Variants in STXBP4 observed in about 807,000 individuals in gnomAD.
The protein encoded by STXBP4 is syntaxin binding protein 4.
In STXBP4, 55 loss-of-function variants were observed where a neutral mutation model predicts 76.1. That is an observed-to-expected ratio of 0.72 (90% CI 0.58 to 0.91). The LOEUF (loss-of-function observed/expected upper bound fraction) is 0.91. STXBP4 is among the 40% of genes least tolerant of loss of function. The probability of loss-of-function intolerance (pLI) is 0.00; values close to 1 mark genes in which losing one functional copy is unlikely to be tolerated. For missense variants in STXBP4, 618 were observed against 636.9 expected, an observed-to-expected ratio of 0.97 and a Z score of 0.32; for synonymous variants, 201 against 220.2, an observed-to-expected ratio of 0.91 and a Z score of 0.77.
downstream of STXBP4, among the ~76,000 whole-genome samples, chr17:55,175,021 C>CAA (rs113547228): frequency 3.3e-4 from 49 of 146,410 alleles, no homozygotes; most frequent in African/African-American, 1.1e-3. Context: ...GACTCCATCT[C>CAA]AAAAAAAAAA....
chr17:55,078,832 C>A, intron 15 of STXBP4, 97 bp downstream of exon 15: 1 of 723,472 alleles, frequency 1.4e-6, no homozygotes, highest in Non-Finnish European at 2.5e-6. Flanking sequence ...TTAAATAGTC[C>A]TAAGGTGCTA....
chr17:55,096,199 A>G (rs2079484456), intron 16 of STXBP4, among the ~76,000 whole-genome samples: 1 of 152,136 alleles, frequency 6.6e-6, no homozygotes, highest in African/African-American at 2.4e-5. Context: ...GCTGTTGCCC[A>G]TGCTGGAGTG....
At chr17:55,051,410 G>T (rs923149576) in intron 12 of STXBP4, among the ~76,000 whole-genome samples, 2 of 152,098 alleles carry the variant, frequency 1.3e-5, no homozygotes, top group African/African-American at 4.8e-5. Flanking sequence ...ATTGAGTTGG[G>T]AAGGAATTTC....
intron 12 of STXBP4, among the ~76,000 whole-genome samples, chr17:55,055,570 C>A (rs1169984009): frequency 1.3e-5 from 2 of 152,168 alleles, no homozygotes; most frequent in Non-Finnish European, 2.9e-5. Context: ...TAAAACTGCA[C>A]TTAGAACTCT....
chr17:55,075,247 A>G (rs1020798921), intron 13 of STXBP4, among the ~76,000 whole-genome samples: 8 of 152,040 alleles, frequency 5.3e-5, no homozygotes, highest in Non-Finnish European at 1.0e-4. Flanking sequence ...TATGTTGTTT[A>G]GTTTTACCTG....
intron 17 of STXBP4, among the ~76,000 whole-genome samples, chr17:55,149,914 C>T (rs868597895): frequency 1.2e-4 from 18 of 152,200 alleles, no homozygotes; most frequent in African/African-American, 4.3e-4. Context: ...AAATATTCAG[C>T]ATCAAAGCCC....
intron 16 of STXBP4, among the ~76,000 whole-genome samples, chr17:55,115,918 G>A (rs1236800664): frequency 6.6e-6 from 1 of 151,766 alleles, no homozygotes; most frequent in Admixed American, 6.6e-5. Context: ...TATGTTCTAG[G>A]TTTAACCATG....
In STXBP4 at chr17:55,164,261, A is replaced by G. The variant is rs1003399093; in HGVS notation, c.*4350A>G. On this transcript the variant is annotated 3_prime_UTR_variant, in exon 18 of 18. Transcript: ENST00000376352. ...CTGCAATTCTGTATTTGCTTTCTTG[A>G]TATGACTTTTAACATTTAAACTTAT... 7.2e-5 allele frequency: 11 copies of G among 152,166 alleles called. No individual in the cohort carries two copies. The highest frequency in any genetic ancestry group is 1.5e-5 in the Non-Finnish European group (1 of 68,034). The allele number at this position is 152,166 out of a possible 1,614,324, so 9.4% of individuals were successfully genotyped here.
At chr17:55,102,239 C>T (rs1345914746) in intron 16 of STXBP4, among the ~76,000 whole-genome samples, 1 of 151,890 alleles carries the variant, frequency 6.6e-6, no homozygotes, top group Non-Finnish European at 1.5e-5. Flanking sequence ...AACCCGTTAT[C>T]TACATTAGGT....
intron 5 of STXBP4, 67 bp from the exon 6 acceptor site, chr17:54,999,565 A>T (rs2077873041): frequency 2.0e-6 from 3 of 1,479,864 alleles, no homozygotes; most frequent in Non-Finnish European, 1.8e-6. Context: ...CATCTGAAAC[A>T]TTATCTTGGA....
intron 15 of STXBP4, among the ~76,000 whole-genome samples, chr17:55,079,838 T>C (rs1299454127): frequency 6.6e-6 from 1 of 152,120 alleles, no homozygotes; most frequent in Non-Finnish European, 1.5e-5. Flanking sequence ...GTGAAGATAT[T>C]TTTGGTGTCC....
chr17:55,211,002 A>T, the STXBP4 span, among the ~76,000 whole-genome samples: 1 of 152,190 alleles, frequency 6.6e-6, no homozygotes, highest in Non-Finnish European at 1.5e-5. Flanking sequence ...TATAAACTTG[A>T]GACCAGCTAT....
At chr17:55,049,287 A>G (rs1455564248) in intron 12 of STXBP4, among the ~76,000 whole-genome samples, 4 of 151,932 alleles carry the variant, frequency 2.6e-5, no homozygotes, top group Non-Finnish European at 4.4e-5. Context: ...TGCCTAAAAT[A>G]ACTTTGGAAA....
the STXBP4 span, among the ~76,000 whole-genome samples, chr17:55,192,934 G>A: frequency 1.3e-5 from 2 of 152,166 alleles, no homozygotes; most frequent in Admixed American, 1.3e-4. Context: ...CCAATAGTTA[G>A]TAGAGCCAGA....
intron 17 of STXBP4, among the ~76,000 whole-genome samples, chr17:55,150,192 G>A (rs9903820): frequency 0.063 from 9,604 of 152,156 alleles, 930 homozygotes; most frequent in African/African-American, 0.21. Flanking sequence ...TAGGGCTGCC[G>A]TAACAAACCA....
intron 6 of STXBP4, among the ~76,000 whole-genome samples, chr17:55,000,419 TGTTA>T (rs936589455): frequency 6.6e-6 from 1 of 152,206 alleles, no homozygotes; most frequent in Non-Finnish European, 1.5e-5. Flanking sequence ...TTTATATCTG[TGTTA>T]GCTGTAAAAT....
intron 3 of STXBP4, among the ~76,000 whole-genome samples, chr17:54,986,678 T>C (rs1012728953): frequency 3.3e-5 from 5 of 152,196 alleles, no homozygotes; most frequent in African/African-American, 9.6e-5. Flanking sequence ...TTAAAAACTC[T>C]TTTGTGAGAT....
intron 8 of STXBP4, among the ~76,000 whole-genome samples, chr17:55,016,165 G>T (rs1436806778): frequency 6.6e-6 from 1 of 152,078 alleles, no homozygotes; most frequent in Non-Finnish European, 1.5e-5. Context: ...GTCCTTTATG[G>T]TCCTAATGCT....
intron 8 of STXBP4, among the ~76,000 whole-genome samples, chr17:55,030,061 A>C (rs752689879): frequency 6.6e-6 from 1 of 152,216 alleles, no homozygotes; most frequent in Admixed American, 6.5e-5. Flanking sequence ...ACATCCAATT[A>C]GTCCCTTTGT....
Sources: gnomAD v4.1 joint callset for allele counts (sites outside exome capture counted in the v4.1 genomes callset) on GRCh38, gnomAD v4.1.1 for gene constraint, MANE v1.5 for transcripts, NCBI Gene and HGNC (gene_info 2026-07-23, HGNC 2026-07-21) for gene names.